Variants in UTRN observed in about 807,000 individuals in gnomAD.
UTRN encodes dystrophin-related protein 1.
A neutral mutation model predicts 463.9 loss-of-function variants in UTRN; 283 were observed. That is an observed-to-expected ratio of 0.61 (90% CI 0.55 to 0.67). The LOEUF is 0.67. Ranked by LOEUF, UTRN falls within the 30% of genes least tolerant of loss-of-function variation. The pLI is 0.00. For missense variants in UTRN, 3,922 were observed against 4,084.3 expected, an observed-to-expected ratio of 0.96 and a Z score of 1.08; for synonymous variants, 1,442 against 1,431.5, an observed-to-expected ratio of 1.01 and a Z score of -0.17.
At chr6:144,715,832 AGCTATACCCAAGG>A (rs1040714185) in intron 53 of UTRN, among the ~76,000 whole-genome samples, 1 of 150,752 alleles carries the variant, frequency 6.6e-6, no homozygotes, top group African/African-American at 2.4e-5. Context: ...TGACTGAAAG[AGCTATACCCAAGG>A]GAACATGTCC....
At chr6:144,481,140 A>C (rs1409417562) in intron 26 of UTRN, among the ~76,000 whole-genome samples, 1 of 152,132 alleles carries the variant, frequency 6.6e-6, no homozygotes, top group African/African-American at 2.4e-5. Flanking sequence ...CATTTTATTT[A>C]TTTTTATTCT....
At chr6:144,344,108 AAAC>A in intron 2 of UTRN, 8 of 1,158,610 alleles carry the variant, frequency 6.9e-6, no homozygotes, top group Admixed American at 4.0e-5. Context: ...AAAAAAAAAA[AAAC>A]CCAAAATAAC....
intron 2 of UTRN, among the ~76,000 whole-genome samples, chr6:144,319,716 T>G (rs1775510099): frequency 6.6e-6 from 1 of 152,178 alleles, no homozygotes; most frequent in Admixed American, 6.6e-5. Flanking sequence ...CACAGGCACA[T>G]GCCACCATGC....
chr6:144,682,552 C>A (rs377568232), intron 52 of UTRN, among the ~76,000 whole-genome samples: 1 of 152,034 alleles, frequency 6.6e-6, no homozygotes, highest in African/African-American at 2.4e-5. Flanking sequence ...TTTTGTGGAA[C>A]CTCCAAACTG....
chr6:144,626,515 CTTT>C (rs1430617904), intron 51 of UTRN, among the ~76,000 whole-genome samples: 1 of 152,234 alleles, frequency 6.6e-6, no homozygotes, highest in Non-Finnish European at 1.5e-5. Context: ...AATAATTCCT[CTTT>C]TAAGGCAGAA....
chr6:144,294,108 A>T (rs535629827), intron 2 of UTRN, among the ~76,000 whole-genome samples: 2 of 152,120 alleles, frequency 1.3e-5, no homozygotes, highest in South Asian at 4.1e-4. Context: ...CAATGAACCC[A>T]CATTACTGAG....
Position 144,411,138 on chromosome 6 carries a change from A to G in UTRN, c.141+7954A>G, listed in dbSNP as rs60345197. Among the ~76,000 whole-genome samples the G allele has an allele frequency of 0.012, 1,814 of 152,258 alleles. 69 individuals are homozygous for G. The East Asian group carries it at 0.14, about 12-fold the overall frequency. The stretch of plus-strand genomic sequence containing the variant: ...AGTTCTACTTTTAGTTCTTTAAGGA[A>G]TCTCCACACTGTATTCCATAGTGGT... On this transcript the variant is annotated intron_variant, in intron 3 of 74. Coordinates refer to ENST00000367545, the MANE Select transcript of UTRN (RefSeq NM_007124.3).
At chr6:144,583,697 G>C (rs1364561952) in intron 51 of UTRN, 1 of 460,516 alleles carries the variant, frequency 2.2e-6, no homozygotes, top group Non-Finnish European at 4.0e-6. Flanking sequence ...ATCAAGGAAA[G>C]ATTCCCTTTC....
chr6:144,340,947 G>T (rs7755848), intron 2 of UTRN, among the ~76,000 whole-genome samples: 2 of 152,312 alleles, frequency 1.3e-5, no homozygotes, highest in South Asian at 2.1e-4. Context: ...CTTTGCACTT[G>T]TGTGTGTTCA....
intron 7 of UTRN, among the ~76,000 whole-genome samples, chr6:144,427,561 A>G (rs1234876205): frequency 6.6e-6 from 1 of 152,058 alleles, no homozygotes; most frequent in Non-Finnish European, 1.5e-5. Flanking sequence ...TGCAATGTTG[A>G]TTTGAATTGG....
At chr6:144,347,894 A>T (rs1425784357) in intron 2 of UTRN, among the ~76,000 whole-genome samples, 1 of 138,660 alleles carries the variant, frequency 7.2e-6, no homozygotes, top group Non-Finnish European at 1.5e-5. Context: ...CCCAGCCTGG[A>T]GTGCAGTGAC....
chr6:144,836,453 G>A lies in UTRN; in HGVS notation c.9977G>A (p.Gly3326Asp), dbSNP rs1262236631. 3 of 1,614,030 alleles carry A rather than the reference G, an allele frequency of 1.9e-6. No homozygotes were observed. Among genetic ancestry groups the A allele is most frequent in the East Asian group, 2.2e-5 (1 of 44,852 alleles). The part of the protein sequence containing the change: ...AEAKLLRQHK[G>D]RLEARMQILE... ...GCAAAACTCCTCAGGCAGCACAAAG[G>A]TCGGCTGGAGGCTAGGATGCAGATT... The change falls in exon 71 of 75, where the codon GGT (glycine) becomes GAT (aspartate). Residue 3326 changes from glycine (G) to aspartate (D), a missense_variant. This residue lies in a region of UTRN where 1,309 missense variants were observed against 1,452.6 expected (regional missense o/e 0.90). Transcript: ENST00000367545.
chr6:144,413,313 C>A (rs1366631161), intron 3 of UTRN, among the ~76,000 whole-genome samples: 1 of 152,102 alleles, frequency 6.6e-6, no homozygotes, highest in Non-Finnish European at 1.5e-5. Context: ...GTGTATTAGT[C>A]TGTTCTTATG....
chr6:144,699,778 C>T (rs1363952103), intron 52 of UTRN, among the ~76,000 whole-genome samples: 1 of 149,418 alleles, frequency 6.7e-6, no homozygotes, highest in African/African-American at 2.4e-5. Flanking sequence ...CCAATAAATC[C>T]TCTGAATATT....
intron 30 of UTRN, 40 bp downstream of exon 30, chr6:144,488,874 A>C: frequency 6.7e-7 from 1 of 1,500,402 alleles, no homozygotes. Context: ...CTGTAAAGAG[A>C]GCTTTTGTAA....
chr6:144,834,459 C>T (rs1780934747), intron 69 of UTRN, among the ~76,000 whole-genome samples: 2 of 152,204 alleles, frequency 1.3e-5, no homozygotes. Flanking sequence ...TCAATTGCTT[C>T]ATCTAGCTCT....
chr6:144,692,224 G>A (rs959346073), intron 52 of UTRN, among the ~76,000 whole-genome samples: 4 of 152,086 alleles, frequency 2.6e-5, no homozygotes, highest in Admixed American at 2.0e-4. Flanking sequence ...ACATGGTCTC[G>A]TTCTTTTTCA....
At chr6:144,294,859 G>T (rs1272283463) in intron 2 of UTRN, among the ~76,000 whole-genome samples, 1 of 152,058 alleles carries the variant, frequency 6.6e-6, no homozygotes. Flanking sequence ...AAGTTGTCAA[G>T]GGTACGTAAT....
chr6:144,577,243 T>C lies in UTRN; in HGVS notation c.7434T>C (p.Ala2478=). Residue 2478 remains alanine, a synonymous_variant, in exon 51 of 75, where the codon GCT becomes GCC. Coordinates refer to ENST00000367545, the MANE Select transcript of UTRN (RefSeq NM_007124.3). ...TGGATGCCTCTCATCGGGAGAATGC[T>C]CTTCAGGATAGTATCTTGGCCAGGG... ...VLVDASHREN[A]LQDSILAREL... is the part of the protein sequence containing the mutation. The C allele has an allele frequency of 1.2e-6, 2 of 1,613,914 alleles. No individual in the cohort carries two copies. Among genetic ancestry groups the C allele is most frequent in the Non-Finnish European group, 1.7e-6 (2 of 1,179,892 alleles).
Sources: allele counts gnomAD v4.1 joint callset (sites outside exome capture counted in the v4.1 genomes callset), GRCh38; gene constraint gnomAD v4.1.1; regional missense constraint gnomAD v4.1.1; transcripts MANE v1.5; gene names NCBI Gene and HGNC (gene_info 2026-07-23, HGNC 2026-07-21).